Variants in SCARF1 observed in about 807,000 individuals in gnomAD.
The protein encoded by SCARF1 is acetyl LDL receptor.
Under a neutral mutation model 76.3 loss-of-function variants are expected in SCARF1, and 49 were observed. The ratio of observed to expected loss-of-function variants is 0.64; its 90% CI spans 0.51 to 0.81. The LOEUF (loss-of-function observed/expected upper bound fraction) is 0.81, where lower values mean the gene tolerates loss of function less well. Ranked by LOEUF, SCARF1 falls within the 40% of genes least tolerant of loss-of-function variation. The probability of loss-of-function intolerance (pLI) is 0.00; values close to 1 mark genes in which losing one functional copy is unlikely to be tolerated. For missense variants in SCARF1, 1,098 were observed against 1,143.9 expected (o/e 0.96, Z 0.58); for synonymous variants, 495 against 474.6 (o/e 1.04, Z -0.56).
intron 4 of SCARF1, among the ~76,000 whole-genome samples, chr17:1,642,173 T>A (rs1910107120): frequency 6.6e-6 from 1 of 150,458 alleles, no homozygotes; most frequent in Admixed American, 6.6e-5. Context: ...TTTTTTTAAA[T>A]ATATTTATAT....
At chr17:1,638,554 C>A (rs1453336255) in intron 8 of SCARF1, 1 of 334,322 alleles carries the variant, frequency 3.0e-6, no homozygotes, top group African/African-American at 2.1e-5. Context: ...CCGGTGTCTC[C>A]AGTGTCTCCA....
chr17:1,641,794 T>C (rs1910073661), intron 4 of SCARF1, among the ~76,000 whole-genome samples: 1 of 152,232 alleles, frequency 6.6e-6, no homozygotes, highest in Non-Finnish European at 1.5e-5. Flanking sequence ...CGATCTTGGC[T>C]CACTGCAACC....
chr17:1,644,078 G>A lies in SCARF1; in HGVS notation c.266-111C>T, dbSNP rs1024333014. 1 of 864,420 alleles carries A rather than the reference G, an allele frequency of 1.2e-6. No individual in the cohort carries two copies. Among genetic ancestry groups the A allele is most frequent in the Non-Finnish European group, 1.5e-6 (1 of 647,854 alleles). 53.5% of individuals were successfully genotyped at this position (864,420 alleles called of 1,614,324 possible). On this transcript the variant is annotated intron_variant, in intron 3 of 10. Coordinates refer to ENST00000263071, the MANE Select transcript of SCARF1 (RefSeq NM_003693.4). This position sits in a 1 kb window ranked among gnomAD's most constrained non-coding sequence, Gnocchi z 4.8. ...GCGCTGGGCCCATCCTCCAAGAGCC[G>A]GGGACAGACCCTCAGAACATCCGGC...
intron 10 of SCARF1, among the ~76,000 whole-genome samples, 195 bp from the exon 11 acceptor site, chr17:1,635,812 G>C (rs1373990198): frequency 6.7e-6 from 1 of 149,670 alleles, no homozygotes; most frequent in African/African-American, 2.5e-5. Context: ...TGTAGAGATG[G>C]GGTCTCACTA....
At position 1,644,717 on chromosome 17, in the gene SCARF1, G is replaced by A; in HGVS notation, c.265+117C>T. The A allele has an allele frequency of 1.1e-6, 1 of 936,942 alleles. No individual in the cohort carries two copies. The highest frequency in any genetic ancestry group is 2.6e-5 in the East Asian group (1 of 37,838). The allele number at this position is 936,942 out of a possible 1,614,324, so 58.0% of individuals were successfully genotyped here. ...GGACCGCAATTCCTCAGTGAAGCTGGGGGGGATTCTGGCCCTGCTGTCCTG... is the reference window on the plus strand; with the variant it reads ...GGACCGCAATTCCTCAGTGAAGCTGAGGGGGATTCTGGCCCTGCTGTCCTG... On this transcript the variant is annotated intron_variant, in intron 3 of 10. Coordinates refer to ENST00000263071, the MANE Select transcript of SCARF1 (RefSeq NM_003693.4). The surrounding 1 kb of genome is among the most constrained non-coding windows in gnomAD (Gnocchi z 4.8).
chr17:1,642,561 C>T (rs569161708), intron 4 of SCARF1, among the ~76,000 whole-genome samples: 337 of 152,230 alleles, frequency 2.2e-3, no homozygotes, highest in Non-Finnish European at 3.5e-3. Context: ...ATATGTGCCA[C>T]ATTTTCTTAA....
At chr17:1,636,590 C>T (rs183982771) in intron 10 of SCARF1, 119 bp downstream of exon 10, 16,909 of 1,208,172 alleles carry the variant, frequency 0.014, 133 homozygotes, top group Non-Finnish European at 0.016. Flanking sequence ...TCCAGCCTGG[C>T]GACAGAGCAA....
chr17:1,644,010 C>A lies in SCARF1; in HGVS notation c.266-43G>T. 1 of 1,278,528 alleles carries A rather than the reference C, an allele frequency of 7.8e-7. No individual in the cohort carries two copies. The highest frequency in any genetic ancestry group is 9.9e-7 in the Non-Finnish European group (1 of 1,009,180). The allele number at this position is 1,278,528 out of a possible 1,614,324, so 79.2% of individuals were successfully genotyped here. A position where few individuals can be genotyped will look rare whatever the true frequency, so the allele number is the denominator to read the frequency against. On this transcript the variant is annotated intron_variant, in intron 3 of 10. Transcript: ENST00000263071. This position sits in a 1 kb window ranked among gnomAD's most constrained non-coding sequence, Gnocchi z 4.8. ...GGAGGGGTCAGCGGGCTCAGGGCCG[C>A]GCGCAGACCCTTACCCTGCGTCCCC...
At position 1,640,880 on chromosome 17, in the gene SCARF1, T is replaced by C. The variant is rs530087040; in HGVS notation, c.792-214A>G. The stretch of plus-strand genomic sequence containing the variant: ...TCCCATCCCTTTCCTTCCAGGCATC[T>C]GCTCTGTGACCGTCTTTCCCTGGGT... On this transcript the variant is annotated intron_variant, in intron 4 of 10. Coordinates refer to ENST00000263071, the MANE Select transcript of SCARF1 (RefSeq NM_003693.4). The surrounding 1 kb of genome is among the most constrained non-coding windows in gnomAD (Gnocchi z 4.7). 2.3e-4 allele frequency among the ~76,000 whole-genome samples: 35 copies of C among 152,264 alleles called. No individual in the cohort carries two copies. Among genetic ancestry groups the C allele is most frequent in the African/African-American group, 7.9e-4 (33 of 41,546 alleles).
chr17:1,634,783 G>A lies in SCARF1; in HGVS notation c.2468C>T (p.Pro823Leu). 6.2e-7 allele frequency: 1 copy of A among 1,602,612 alleles called. No homozygotes were observed. Among genetic ancestry groups the A allele is most frequent in the South Asian group, 1.1e-5 (1 of 90,738 alleles). ...QEEPEYENVVPISRPPEP is the reference protein window; with the variant it reads ...QEEPEYENVVLISRPPEP ...TCAGGGTTCTGGTGGCCTGGAGATG[G>A]GTACAACATTCTCATACTCAGGTTC... The change falls in exon 11 of 11, where the codon CCC (proline) becomes CTC (leucine). Residue 823 changes from proline to leucine, a missense_variant. Pro to Leu is a moderately conservative substitution (Grantham distance 98, BLOSUM62 -3). Coordinates refer to ENST00000263071, the MANE Select transcript of SCARF1 (RefSeq NM_003693.4).
Position 1,645,096 on chromosome 17 carries a change from G to T in SCARF1, c.163+82C>A. On this transcript the variant is annotated intron_variant, in intron 2 of 10. Transcript: ENST00000263071. This position sits in a 1 kb window ranked among gnomAD's most constrained non-coding sequence, Gnocchi z 6.3. Reference sequence around the variant, plus strand: ...TGACTCCTGGTATCAGGAGGGGCAGGCCCCATGGGGTAGGAAGGAAGGGTT... The same window carrying T: ...TGACTCCTGGTATCAGGAGGGGCAGTCCCCATGGGGTAGGAAGGAAGGGTT... The T allele has an allele frequency of 6.3e-7, 1 of 1,581,462 alleles. No homozygotes were observed. Among genetic ancestry groups the T allele is most frequent in the Non-Finnish European group, 8.7e-7 (1 of 1,154,846 alleles).
intron 8 of SCARF1, 64 bp from the exon 9 acceptor site, chr17:1,637,126 G>GGTCTCATGTACTGAC: frequency 3.2e-6 from 5 of 1,577,734 alleles, no homozygotes; most frequent in Non-Finnish European, 3.5e-6. Context: ...GGTCACCTTG[G>GGTCTCATGTACTGAC]CAGGGTGTGA....
In SCARF1 at chr17:1,640,908, C is replaced by T. The variant is rs1909997589; in HGVS notation, c.792-242G>A. On this transcript the variant is annotated intron_variant, in intron 4 of 10. Transcript: ENST00000263071. The surrounding 1 kb of genome is among the most constrained non-coding windows in gnomAD (Gnocchi z 4.7). ...TCTGTGACCGTCTTTCCCTGGGTCC[C>T]AGGACCATCAGGAGCCAGCAGCCCA... Among the ~76,000 whole-genome samples the T allele has an allele frequency of 6.6e-6, 1 of 152,150 alleles. No homozygotes were observed. The highest frequency in any genetic ancestry group is 2.1e-4 in the South Asian group (1 of 4,828).
rs539574622 is a variant in SCARF1, at chr17:1,644,413, C to T, written c.265+421G>A. Reference sequence around the variant, plus strand: ...CCTAGTGATTCCTTGATTCCTGATGCCCACCCTCTGGCTCTCCTGCTTCCC... The same window carrying T: ...CCTAGTGATTCCTTGATTCCTGATGTCCACCCTCTGGCTCTCCTGCTTCCC... On this transcript the variant is annotated intron_variant, in intron 3 of 10. Transcript: ENST00000263071. This position sits in a 1 kb window ranked among gnomAD's most constrained non-coding sequence, Gnocchi z 4.8. 10 of 279,578 alleles carry T rather than the reference C, an allele frequency of 3.6e-5. No homozygotes were observed. The highest frequency in any genetic ancestry group is 7.0e-5 in the South Asian group (1 of 14,366). The allele number at this position is 279,578 out of a possible 1,614,324, so 17.3% of individuals were successfully genotyped here.
At position 1,640,560 on chromosome 17, in the gene SCARF1, C is replaced by G; in HGVS notation, c.898G>C (p.Gly300Arg). 1 of 1,610,090 alleles carries G rather than the reference C, an allele frequency of 6.2e-7. No individual in the cohort carries two copies. The highest frequency in any genetic ancestry group is 8.5e-7 in the Non-Finnish European group (1 of 1,178,636). ...GTQCQQPCLPGTFGESCEQQC... is the reference protein window; with the variant it reads ...GTQCQQPCLPRTFGESCEQQC... Reference sequence around the variant, plus strand: ...TGTTCGCAGCTCTCGCCAAAGGTGCCAGGCAGGCAGGGCTGCTGGCACTGG... The same window carrying G: ...TGTTCGCAGCTCTCGCCAAAGGTGCGAGGCAGGCAGGGCTGCTGGCACTGG... Residue 300 changes from glycine to arginine, a missense_variant, in exon 5 of 11, where the codon GGC (glycine) becomes CGC (arginine). Coordinates refer to ENST00000263071, the MANE Select transcript of SCARF1 (RefSeq NM_003693.4). This position sits in a 1 kb window ranked among gnomAD's most constrained non-coding sequence, Gnocchi z 4.7.
Position 1,636,771 on chromosome 17 carries a change from GAGA to G in SCARF1, c.1568_1570del (p.Phe523del), listed in dbSNP as rs754807220. The G allele has an allele frequency of 2.5e-6, 4 of 1,614,128 alleles. No homozygotes were observed. The African/African-American group carries it at 5.3e-5, about 22-fold the overall frequency. On this transcript the variant is annotated inframe_deletion, in exon 10 of 11. Coordinates refer to ENST00000263071, the MANE Select transcript of SCARF1 (RefSeq NM_003693.4). ...TGCCTCTCCAGACTCAGGATCGGAT[GAGA>G]AGGAGTCATCAGTGGCCCAGCCGGC...
chr17:1,637,522 G>T (rs1313276061), intron 8 of SCARF1, among the ~76,000 whole-genome samples: 1 of 152,032 alleles, frequency 6.6e-6, no homozygotes, highest in East Asian at 1.9e-4. Context: ...GCCCAGGCTG[G>T]AGTGCAGTGG....
Position 1,640,370 on chromosome 17 carries a change from G to T in SCARF1, c.1010+78C>A, listed in dbSNP as rs948205781. ...CATGAACCTGTGTGTCGGGGAGGGT[G>T]GTGCTCTCGGAGAGAGCCGCTGAGC... On this transcript the variant is annotated intron_variant, in intron 5 of 10. Transcript: ENST00000263071. The surrounding 1 kb of genome is among the most constrained non-coding windows in gnomAD (Gnocchi z 4.7). 1.5e-6 allele frequency: 2 copies of T among 1,291,446 alleles called. No homozygotes were observed. Among genetic ancestry groups the T allele is most frequent in the Admixed American group, 2.1e-5 (1 of 46,818 alleles). 80.0% of individuals were successfully genotyped at this position (1,291,446 alleles called of 1,614,324 possible).
chr17:1,639,508 G>GAA, intron 7 of SCARF1, 131 bp downstream of exon 7: 1 of 631,366 alleles, frequency 1.6e-6, no homozygotes, highest in Non-Finnish European at 2.7e-6. Flanking sequence ...TCGTCTTAAG[G>GAA]GAAAAAAAAA....
Sources: gnomAD v4.1 joint callset for allele counts (sites outside exome capture counted in the v4.1 genomes callset) on GRCh38, gnomAD v4.1.1 for gene constraint, Gnocchi (gnomAD v3.1) non-coding constraint, MANE v1.5 for transcripts, NCBI Gene and HGNC (gene_info 2026-07-23, HGNC 2026-07-21) for gene names.